The following PRDM5 variants were observed in gnomAD, a reference collection of about 807,000 sequenced individuals.
The protein encoded by PRDM5 is PR/SET domain 5.
PRDM5 carries 56 observed loss-of-function variants against 81.2 expected under a neutral mutation model. That is an observed-to-expected ratio of 0.69 (90% CI 0.56 to 0.86). The LOEUF is 0.86. Among genes scored for constraint, PRDM5 ranks in the 40% least tolerant of loss-of-function variants. The pLI is 0.00. For synonymous variants in PRDM5, 267 were observed against 256.4 expected (o/e 1.04, Z -0.39); for missense variants, 697 against 770.1 (o/e 0.91, Z 1.12).
At chr4:120,749,327 A>G (rs1743619952) in intron 14 of PRDM5, among the ~76,000 whole-genome samples, 1 of 152,200 alleles carries the variant, frequency 6.6e-6, no homozygotes, top group Admixed American at 6.5e-5. Flanking sequence ...ACTAGCATTT[A>G]GGTTAGAAAC....
chr4:120,817,539 T>C (rs1389707248), intron 5 of PRDM5, among the ~76,000 whole-genome samples: 1 of 152,098 alleles, frequency 6.6e-6, no homozygotes, highest in Non-Finnish European at 1.5e-5. Flanking sequence ...GTTGATGAGA[T>C]GGGACAATTT....
chr4:120,804,478 A>G (rs1354231506), intron 8 of PRDM5, among the ~76,000 whole-genome samples: 4 of 152,236 alleles, frequency 2.6e-5, no homozygotes, highest in African/African-American at 4.8e-5. Flanking sequence ...AATGTAAAAG[A>G]ACAGAAATTA....
At chr4:120,799,819 T>G (rs1366084115) in intron 8 of PRDM5, 74 bp from the exon 9 acceptor site, 8 of 1,566,202 alleles carry the variant, frequency 5.1e-6, no homozygotes, top group South Asian at 2.3e-5. Flanking sequence ...AGCAAAAGTG[T>G]AAACATGTGA....
At chr4:120,713,189 A>AT in intron 14 of PRDM5, among the ~76,000 whole-genome samples, 1 of 152,278 alleles carries the variant, frequency 6.6e-6, no homozygotes, top group Non-Finnish European at 1.5e-5. Context: ...TCATTTTGAC[A>AT]TGACCTTTTC....
At chr4:120,805,563 A>G (rs1170402658) in intron 8 of PRDM5, among the ~76,000 whole-genome samples, 1 of 152,192 alleles carries the variant, frequency 6.6e-6, no homozygotes, top group Non-Finnish European at 1.5e-5. Context: ...AAATCAAAAA[A>G]TGTAATCCAG....
At chr4:120,905,097 T>C (rs1255672697) in intron 2 of PRDM5, among the ~76,000 whole-genome samples, 1 of 152,182 alleles carries the variant, frequency 6.6e-6, no homozygotes, top group Non-Finnish European at 1.5e-5. Context: ...AATGTTTAAG[T>C]ACATAAAAGT....
At chr4:120,760,221 T>G (rs1745402340) in intron 13 of PRDM5, among the ~76,000 whole-genome samples, 1 of 152,198 alleles carries the variant, frequency 6.6e-6, no homozygotes, top group South Asian at 2.1e-4. Context: ...ACAGTTTACA[T>G]TAACCAGATC....
At chr4:120,907,316 A>G (rs1376796311) in intron 2 of PRDM5, among the ~76,000 whole-genome samples, 158 bp downstream of exon 2, 1 of 151,262 alleles carries the variant, frequency 6.6e-6, no homozygotes, top group Non-Finnish European at 1.5e-5. Flanking sequence ...CCTGGGCAAC[A>G]AGAGCAAATC....
chr4:120,770,922 G>A, intron 13 of PRDM5, among the ~76,000 whole-genome samples: 1 of 128,238 alleles, frequency 7.8e-6, no homozygotes, highest in African/African-American at 2.8e-5. Flanking sequence ...ATAACATATA[G>A]AAATAAAAGC....
At chr4:120,716,610 T>C (rs1737783401) in intron 14 of PRDM5, among the ~76,000 whole-genome samples, 1 of 152,210 alleles carries the variant, frequency 6.6e-6, no homozygotes, top group Admixed American at 6.5e-5. Flanking sequence ...GAGCCTGCAC[T>C]ATTCCTGAAG....
chr4:120,845,814 T>C (rs538768433), intron 3 of PRDM5, among the ~76,000 whole-genome samples: 24 of 152,328 alleles, frequency 1.6e-4, no homozygotes, highest in East Asian at 3.9e-4. Flanking sequence ...CTGGAAAGGA[T>C]TGACATTCTA....
chr4:120,896,118 C>T (rs1304284512), intron 2 of PRDM5: 1 of 152,136 alleles, frequency 6.6e-6, no homozygotes, highest in Non-Finnish European at 1.5e-5. Flanking sequence ...ATGCCCAGTC[C>T]CAAAGAGCAA....
At chr4:120,830,607 G>A (rs182868323) in intron 3 of PRDM5, among the ~76,000 whole-genome samples, 101 of 152,190 alleles carry the variant, frequency 6.6e-4, no homozygotes, top group Middle Eastern at 3.4e-3. Context: ...TAAGAAGCAA[G>A]TGACTTGAAA....
intron 15 of PRDM5, among the ~76,000 whole-genome samples, chr4:120,703,486 G>A (rs546475458): frequency 1.3e-5 from 2 of 152,166 alleles, no homozygotes; most frequent in East Asian, 1.9e-4. Context: ...CACCATGCCT[G>A]GTCTCATGTA....
intron 3 of PRDM5, among the ~76,000 whole-genome samples, chr4:120,831,477 T>C (rs1310256147): frequency 1.3e-5 from 2 of 152,116 alleles, no homozygotes; most frequent in Non-Finnish European, 2.9e-5. Flanking sequence ...ATCATATAAT[T>C]GAACTACATT....
chr4:120,837,626 T>C (rs1293778042), intron 3 of PRDM5: 3 of 152,202 alleles, frequency 2.0e-5, no homozygotes, highest in Non-Finnish European at 2.9e-5. Context: ...ATGAGCATTT[T>C]AAATTTGATA....
chr4:120,713,272 G>A (rs1737266173), intron 14 of PRDM5, among the ~76,000 whole-genome samples: 1 of 151,970 alleles, frequency 6.6e-6, no homozygotes, highest in Non-Finnish European at 1.5e-5. Context: ...TTTAAAATTA[G>A]TATTTGCCTG....
At chr4:120,748,001 A>G (rs1363971580) in intron 14 of PRDM5, among the ~76,000 whole-genome samples, 1 of 152,246 alleles carries the variant, frequency 6.6e-6, no homozygotes, top group Non-Finnish European at 1.5e-5. Context: ...ATTTCTTTTG[A>G]ACCTAATGTT....
chr4:120,805,254 C>T (rs1752742669), intron 8 of PRDM5, among the ~76,000 whole-genome samples: 1 of 152,122 alleles, frequency 6.6e-6, no homozygotes, highest in African/African-American at 2.4e-5. Context: ...GGATTCACAG[C>T]CGAATTCTAC....
Sources: gnomAD v4.1 joint callset for allele counts (sites outside exome capture counted in the v4.1 genomes callset) on GRCh38, gnomAD v4.1.1 for gene constraint, MANE v1.5 for transcripts, NCBI Gene and HGNC (gene_info 2026-07-23, HGNC 2026-07-21) for gene names.